Variants in KIF16B observed in about 807,000 individuals in gnomAD.
KIF16B encodes kinesin-like protein KIF16B.
A neutral mutation model predicts 156.3 loss-of-function variants in KIF16B; 98 were observed. The ratio of observed to expected loss-of-function variants is 0.63; its 90% confidence interval spans 0.53 to 0.74. The LOEUF (loss-of-function observed/expected upper bound fraction) is 0.74. Among genes scored for constraint, KIF16B ranks in the 30% least tolerant of loss-of-function variants. The probability of loss-of-function intolerance (pLI) is 0.00; values close to 1 mark genes in which losing one functional copy is unlikely to be tolerated. For synonymous variants in KIF16B, 564 were observed against 583.7 expected (o/e 0.97, Z 0.49); for missense variants, 1,421 against 1,606.5 (o/e 0.88, Z 1.97).
intron 18 of KIF16B, among the ~76,000 whole-genome samples, chr20:16,380,727 T>C (rs1170990568): frequency 6.6e-6 from 1 of 152,208 alleles, no homozygotes; most frequent in Non-Finnish European, 1.5e-5. Context: ...TATTAGTGCA[T>C]AACACTGAAA....
At chr20:16,370,503 G>T in intron 22 of KIF16B, 83 bp downstream of exon 22, 3 of 1,122,820 alleles carry the variant, frequency 2.7e-6, no homozygotes, top group Non-Finnish European at 2.5e-6. Flanking sequence ...TTCTAATTAT[G>T]CAACTAGACA....
At chr20:16,427,377 T>C in intron 14 of KIF16B, 136 bp from the exon 15 acceptor site, 2 of 860,110 alleles carry the variant, frequency 2.3e-6, no homozygotes, top group Non-Finnish European at 3.4e-6. Context: ...GAAGTGAACA[T>C]TTATGTTTAG....
At chr20:16,364,500 G>A (rs553440486) in intron 22 of KIF16B, among the ~76,000 whole-genome samples, 66 of 152,302 alleles carry the variant, frequency 4.3e-4, no homozygotes, top group African/African-American at 1.4e-3. Context: ...CTCCACTCTA[G>A]GGGTGCTGTA....
At chr20:16,367,350 T>C (rs1432936087) in intron 22 of KIF16B, 2 of 1,612,922 alleles carry the variant, frequency 1.2e-6, no homozygotes, top group African/African-American at 2.7e-5. Context: ...AGAAGACTAG[T>C]TCTACTGTTG....
chr20:16,467,450 T>A (rs189702400), intron 12 of KIF16B, among the ~76,000 whole-genome samples: 10 of 152,290 alleles, frequency 6.6e-5, no homozygotes, highest in Admixed American at 5.9e-4. Context: ...GAACCAGGGT[T>A]CCATAATTAT....
chr20:16,425,348 G>A (rs1017067684), intron 15 of KIF16B, among the ~76,000 whole-genome samples: 2 of 152,050 alleles, frequency 1.3e-5, no homozygotes, highest in African/African-American at 4.8e-5. Flanking sequence ...AAATAAAATC[G>A]CAAGCTGTGT....
Position 16,312,365 on chromosome 20 carries a change from A to G in KIF16B, c.3765T>C (p.Arg1255=), listed in dbSNP as rs762451688. 1.4e-5 allele frequency: 22 copies of G among 1,613,628 alleles called. No individual in the cohort carries two copies. The highest frequency in any genetic ancestry group is 1.7e-5 in the Non-Finnish European group (20 of 1,179,768). ...PKKLFGNKDE[R]VIAERRSHLE... is the part of the protein sequence containing the mutation. Reference sequence around the variant, plus strand: ...AGTGACTTCGTCTCTCAGCAATCACACGTTCATCCTTATTTCCAAATAGTT... The same window carrying G: ...AGTGACTTCGTCTCTCAGCAATCACGCGTTCATCCTTATTTCCAAATAGTT... Residue 1255 remains arginine, a synonymous_variant, in exon 25 of 26, where the codon CGT becomes CGC. Transcript: ENST00000354981.
intron 2 of KIF16B, among the ~76,000 whole-genome samples, chr20:16,527,827 T>G (rs746942000): frequency 1.3e-5 from 2 of 152,138 alleles, no homozygotes; most frequent in Non-Finnish European, 2.9e-5. Context: ...CCTAACCAAA[T>G]AAACAAACAG....
chr20:16,348,032 T>C (rs1190780449), intron 23 of KIF16B, among the ~76,000 whole-genome samples: 1 of 152,244 alleles, frequency 6.6e-6, no homozygotes, highest in Non-Finnish European at 1.5e-5. Flanking sequence ...GCATTTCTTC[T>C]TCATGCTTCC....
chr20:16,531,194 TC>T, intron 1 of KIF16B, among the ~76,000 whole-genome samples: 1 of 152,064 alleles, frequency 6.6e-6, no homozygotes, highest in Admixed American at 6.5e-5. Context: ...GCACATAAAC[TC>T]ATAACTTAAA....
chr20:16,481,202 T>C (rs1032547571), intron 12 of KIF16B, among the ~76,000 whole-genome samples: 3 of 152,168 alleles, frequency 2.0e-5, no homozygotes, highest in Non-Finnish European at 2.9e-5. Context: ...CACTTCTGTA[T>C]GGAAGTGGTT....
rs193060873 is a variant in KIF16B, at chr20:16,572,739, A to C, written c.47+490T>G. On this transcript the variant is annotated intron_variant, in intron 1 of 25. Transcript: ENST00000354981. ...GTCAAAGTTTTCCCATCCACTCTCT[A>C]ACATGAAGTTAGGAACTGCTAAGTT... Among the ~76,000 whole-genome samples the C allele has an allele frequency of 2.5e-3, 388 of 152,358 alleles. 7 individuals are homozygous for C. Among genetic ancestry groups the C allele is most frequent in the Admixed American group, 0.022 (341 of 15,312 alleles).
At chr20:16,438,285 G>A (rs1039591850) in intron 12 of KIF16B, among the ~76,000 whole-genome samples, 22 of 152,082 alleles carry the variant, frequency 1.4e-4, no homozygotes, top group Admixed American at 4.6e-4. Context: ...TGCTTTCCCC[G>A]GTTTCAGTTA....
At chr20:16,297,668 C>T (rs2063410212) in intron 25 of KIF16B, among the ~76,000 whole-genome samples, 1 of 149,868 alleles carries the variant, frequency 6.7e-6, no homozygotes, top group South Asian at 2.1e-4. Flanking sequence ...TGCACTCCAG[C>T]CTGGGCGACA....
At chr20:16,556,339 G>A (rs576634263) in intron 1 of KIF16B, among the ~76,000 whole-genome samples, 1 of 152,162 alleles carries the variant, frequency 6.6e-6, no homozygotes, top group Non-Finnish European at 1.5e-5. Flanking sequence ...GAACCAACTG[G>A]TCACTAACTG....
chr20:16,276,678 T>C (rs2063066199), intron 25 of KIF16B, among the ~76,000 whole-genome samples: 1 of 152,034 alleles, frequency 6.6e-6, no homozygotes, highest in East Asian at 1.9e-4. Context: ...CTGAACAAAT[T>C]CTGGCAAATG....
chr20:16,402,020 A>G (rs1429539686), intron 17 of KIF16B, among the ~76,000 whole-genome samples: 1 of 152,020 alleles, frequency 6.6e-6, no homozygotes, highest in African/African-American at 2.4e-5. Context: ...ACGGCCCTAC[A>G]TTAGCTGGCC....
At chr20:16,556,925 C>G (rs77786182) in intron 1 of KIF16B, among the ~76,000 whole-genome samples, 3 of 152,094 alleles carry the variant, frequency 2.0e-5, no homozygotes, top group African/African-American at 7.2e-5. Context: ...ATCTTTTGTT[C>G]ACTCACTAGA....
intron 1 of KIF16B, among the ~76,000 whole-genome samples, chr20:16,530,882 G>A (rs2069723704): frequency 6.6e-6 from 1 of 151,922 alleles, no homozygotes; most frequent in Non-Finnish European, 1.5e-5. Flanking sequence ...TGTATTTTTT[G>A]TAGAGATGGA....
Sources: allele counts gnomAD v4.1 joint callset (sites outside exome capture counted in the v4.1 genomes callset), GRCh38; gene constraint gnomAD v4.1.1; transcripts MANE v1.5; gene names NCBI Gene and HGNC (gene_info 2026-07-23, HGNC 2026-07-21).